The following GPRASP2 variants were observed in gnomAD, a reference collection of about 807,000 sequenced individuals.
GPRASP2 encodes G protein-coupled receptor-associated sorting protein 2.
Under a neutral mutation model 36.0 loss-of-function variants are expected in GPRASP2, and 10 were observed. That is an observed-to-expected ratio of 0.28 (90% CI 0.17 to 0.47). The LOEUF (loss-of-function observed/expected upper bound fraction) is 0.47, where lower values mean the gene tolerates loss of function less well. GPRASP2 is among the 20% of genes least tolerant of loss of function. The pLI, the probability that GPRASP2 is intolerant of heterozygous loss-of-function variation, is 0.99. For missense variants in GPRASP2, 538 were observed against 626.7 expected (o/e 0.86, Z 1.51); for synonymous variants, 219 against 230.5 (o/e 0.95, Z 0.45).
rs186673137 is a variant in GPRASP2, at chrX:102,717,289, C to T, written c.2420C>T (p.Pro807Leu). 18 of 1,089,551 alleles carry T rather than the reference C, an allele frequency of 1.7e-5. No individual in the cohort carries two copies. The Admixed American group carries it at 2.3e-4, about 14-fold the overall frequency. The allele number at this position is 1,089,551 out of a possible 1,213,427, so 89.8% of individuals were successfully genotyped here. The change falls in exon 5 of 5, where the codon CCG (proline) becomes CTG (leucine). Residue 807 changes from proline (P) to leucine (L), a missense_variant. Physicochemically the swap from Pro to Leu is moderately conservative, Grantham distance 98. Coordinates refer to ENST00000483720, the MANE Select transcript of GPRASP2 (RefSeq NM_001004051.4). ...ATTGATGATGATTTCAGTCTTGAGC[C>T]GCTTATTTCTGCATTTCGTGAATTT... ...SLIDDDFSLE[P>L]LISAFREFEE...
chrX:102,717,204 A>G lies in GPRASP2; in HGVS notation c.2335A>G (p.Ile779Val). Reference sequence around the variant, plus strand: ...AGAAGAGACAAATGATAATATTCAAATTGTTATTAAAATGTTTCAGAATAT... The same window carrying G: ...AGAAGAGACAAATGATAATATTCAAGTTGTTATTAAAATGTTTCAGAATAT... ...NIEETNDNIQ[I>V]VIKMFQNISN... Residue 779 changes from isoleucine (I) to valine (V), a missense_variant, in exon 5 of 5, where the codon ATT (isoleucine) becomes GTT (valine). Physicochemically the swap from Ile to Val is conservative, Grantham distance 29 (BLOSUM62 3). Around this residue, in one of 2 missense-constraint regions of GPRASP2, gnomAD observed 262 missense variants for 351.7 expected, o/e 0.74. Coordinates refer to ENST00000483720, the MANE Select transcript of GPRASP2 (RefSeq NM_001004051.4). The G allele has an allele frequency of 8.9e-7, 1 of 1,129,688 alleles. No individual in the cohort carries two copies. The highest frequency in any genetic ancestry group is 1.2e-6 in the Non-Finnish European group (1 of 855,233). 93.1% of individuals were successfully genotyped at this position (1,129,688 alleles called of 1,213,427 possible).
rs1196487596 is a variant in GPRASP2, at chrX:102,716,148, G to C, written c.1279G>C (p.Glu427Gln). Residue 427 changes from glutamate (E) to glutamine (Q), a missense_variant, in exon 5 of 5, where the codon GAA (glutamate) becomes CAA (glutamine). By Grantham distance (29) the Glu-to-Gln change is conservative. Around this residue, in one of 2 missense-constraint regions of GPRASP2, gnomAD observed 262 missense variants for 351.7 expected, o/e 0.74. Coordinates refer to ENST00000483720, the MANE Select transcript of GPRASP2 (RefSeq NM_001004051.4). ...AIGGSAYWAE[E>Q]KSSLGAVARE... ...TGGCGGATCCGCGTACTGGGCTGAG[G>C]AAAAGTCCAGTTTGGGGGCTGTGGC... 8.3e-7 allele frequency: 1 copy of C among 1,202,831 alleles called. No homozygotes were observed. The highest frequency in any genetic ancestry group is 3.0e-5 in the East Asian group (1 of 33,682).
At position 102,716,455 on chromosome X, in the gene GPRASP2, A is replaced by G; in HGVS notation, c.1586A>G (p.Lys529Arg). 1 of 1,212,287 alleles carries G rather than the reference A, an allele frequency of 8.2e-7. No homozygotes were observed. The highest frequency in any genetic ancestry group is 1.1e-6 in the Non-Finnish European group (1 of 895,650). ...EASEMLEAKP[K>R]NLELSPEGEE... Reference sequence around the variant, plus strand: ...TCTGAAATGCTTGAGGCAAAGCCCAAGAACCTGGAACTTAGCCCAGAAGGA... The same window carrying G: ...TCTGAAATGCTTGAGGCAAAGCCCAGGAACCTGGAACTTAGCCCAGAAGGA... The change falls in exon 5 of 5, where the codon AAG (lysine) becomes AGG (arginine). Residue 529 changes from lysine to arginine, a missense_variant. By Grantham distance (26) the Lys-to-Arg change is conservative. Around this residue, in one of 2 missense-constraint regions of GPRASP2, gnomAD observed 262 missense variants for 351.7 expected, o/e 0.74. Coordinates refer to ENST00000483720, the MANE Select transcript of GPRASP2 (RefSeq NM_001004051.4).
chrX:102,714,836 A>C lies in GPRASP2; in HGVS notation c.-34A>C. The C allele has an allele frequency of 8.5e-7, 1 of 1,181,493 alleles. No individual in the cohort carries two copies. The highest frequency in any genetic ancestry group is 3.0e-5 in the East Asian group (1 of 33,639). ...TGGTTGAGGTTTAGACTACGGGAGG[A>C]GTATATTACCTGACTTTCTTTGTAA... On this transcript the variant is annotated 5_prime_UTR_variant, in exon 5 of 5. Coordinates refer to ENST00000483720, the MANE Select transcript of GPRASP2 (RefSeq NM_001004051.4).
In GPRASP2 at chrX:102,717,287, G is replaced by T. The variant is rs764549604; in HGVS notation, c.2418G>T (p.Glu806Asp). 1.8e-6 allele frequency: 2 copies of T among 1,092,539 alleles called. No homozygotes were observed. The highest frequency in any genetic ancestry group is 2.4e-6 in the Non-Finnish European group (2 of 836,540). 90.0% of individuals were successfully genotyped at this position (1,092,539 alleles called of 1,213,427 possible). ...MSLIDDDFSL[E>D]PLISAFREFE... The stretch of plus-strand genomic sequence containing the variant: ...TAATTGATGATGATTTCAGTCTTGA[G>T]CCGCTTATTTCTGCATTTCGTGAAT... The change falls in exon 5 of 5, where the codon GAG becomes GAT. Residue 806 changes from glutamate to aspartate, a missense_variant. Transcript: ENST00000483720.
rs771661384 is a variant in GPRASP2, at chrX:102,715,052, G to T, written c.183G>T (p.Arg61Ser). 25 of 1,211,310 alleles carry T rather than the reference G, an allele frequency of 2.1e-5. No individual in the cohort carries two copies. The South Asian group carries it at 4.2e-4, about 20-fold the overall frequency. ...KTETKSVPAA[R>S]PKTEAQAMSG... ...AGACCAAGTCTGTGCCTGCGGCAAG[G>T]CCCAAAACTGAGGCCCAAGCAATGT... is the stretch of plus-strand genomic sequence containing the variant. Residue 61 changes from arginine (R) to serine (S), a missense_variant, in exon 5 of 5, where the codon AGG becomes AGT. Physicochemically the swap from Arg to Ser is moderately radical, Grantham distance 110 (BLOSUM62 -1). Transcript: ENST00000483720.
At chrX:102,713,066 T>G (rs1234218981) in intron 1 of GPRASP2, 64 bp from the exon 2 acceptor site, 1 of 112,835 alleles carries the variant, frequency 8.9e-6, no homozygotes, top group Non-Finnish European at 1.9e-5. Flanking sequence ...GGGCCCCATG[T>G]CCTCGGTGCC....
Position 102,714,897 on chromosome X carries a change from G to A in GPRASP2, c.28G>A (p.Ala10Thr). MTGAEIEPS[A>T]QAKPEKKAGE... is the part of the protein sequence containing the mutation. ...GACTGGGGCAGAGATTGAGCCTAGT[G>A]CCCAGGCCAAGCCTGAAAAGAAGGC... The change falls in exon 5 of 5, where the codon GCC (alanine) becomes ACC (threonine). Residue 10 changes from alanine to threonine, a missense_variant. Physicochemically the swap from Ala to Thr is moderately conservative, Grantham distance 58. Around this residue, in one of 2 missense-constraint regions of GPRASP2, gnomAD observed 276 missense variants for 275.0 expected, o/e 1.00. Coordinates refer to ENST00000483720, the MANE Select transcript of GPRASP2 (RefSeq NM_001004051.4). 1 of 1,211,730 alleles carries A rather than the reference G, an allele frequency of 8.3e-7. No homozygotes were observed. The highest frequency in any genetic ancestry group is 1.1e-6 in the Non-Finnish European group (1 of 895,392).
rs928653872 is a variant in GPRASP2, at chrX:102,715,205, T to C, written c.336T>C (p.Thr112=). The change falls in exon 5 of 5, where the codon ACT becomes ACC. Residue 112 remains threonine (T), a synonymous_variant. Coordinates refer to ENST00000483720, the MANE Select transcript of GPRASP2 (RefSeq NM_001004051.4). Reference sequence around the variant, plus strand: ...CAGTAGGTGGCGCTCGTTCTAAAACTGATGCCAAGGCAATCCCTGGAGCAA... The same window carrying C: ...CAGTAGGTGGCGCTCGTTCTAAAACCGATGCCAAGGCAATCCCTGGAGCAA... ...ARAVGGARSK[T]DAKAIPGARP... 5 of 1,211,657 alleles carry C rather than the reference T, an allele frequency of 4.1e-6. No individual in the cohort carries two copies. Among genetic ancestry groups the C allele is most frequent in the Non-Finnish European group, 4.5e-6 (4 of 895,555 alleles).
Position 102,716,627 on chromosome X carries a change from C to T in GPRASP2, c.1758C>T (p.Cys586=). The T allele has an allele frequency of 8.3e-7, 1 of 1,211,917 alleles. No homozygotes were observed. The highest frequency in any genetic ancestry group is 1.8e-5 in the South Asian group (1 of 56,978). Reference sequence around the variant, plus strand: ...AGTCTGAGAGTTGGTCCTGCAGCTGCATACAATGTGAGCTGAAAATTGGTT... The same window carrying T: ...AGTCTGAGAGTTGGTCCTGCAGCTGTATACAATGTGAGCTGAAAATTGGTT... The part of the protein sequence containing the change: ...SAESESWSCS[C]IQCELKIGSE... Residue 586 remains cysteine, a synonymous_variant, in exon 5 of 5, where the codon TGC becomes TGT. Transcript: ENST00000483720.
rs1477811942 is a variant in GPRASP2 at position 102,716,851 on chromosome X, A to G, written c.1982A>G (p.Asn661Ser). The change falls in exon 5 of 5, where the codon AAT becomes AGT. Residue 661 changes from asparagine to serine, a missense_variant. Physicochemically the swap from Asn to Ser is conservative, Grantham distance 46. This residue lies in a region of GPRASP2 where 262 missense variants were observed against 351.7 expected (regional missense o/e 0.74). Transcript: ENST00000483720. ...AGAGTTAGGACAAGTTTTTTGGAAA[A>G]TATGATTCACATGGCTCCACCTTAT... ...SSRVRTSFLENMIHMAPPYPN... is the reference protein window; with the variant it reads ...SSRVRTSFLESMIHMAPPYPN... 1.7e-6 allele frequency: 2 copies of G among 1,211,857 alleles called. No homozygotes were observed. Among genetic ancestry groups the G allele is most frequent in the African/African-American group, 3.5e-5 (2 of 57,856 alleles).
chrX:102,713,393 A>C (rs1377348643), intron 2 of GPRASP2, among the ~76,000 whole-genome samples, 176 bp downstream of exon 2: 1 of 112,197 alleles, frequency 8.9e-6, no homozygotes, highest in East Asian at 2.8e-4. Flanking sequence ...AACTGGGGGC[A>C]TGAAAGGGTG....
chrX:102,715,828 C>A lies in GPRASP2; in HGVS notation c.959C>A (p.Thr320Lys), dbSNP rs747041179. 3.4e-5 allele frequency: 41 copies of A among 1,211,512 alleles called. No individual in the cohort carries two copies. The East Asian group carries it at 3.5e-4, about 10-fold the overall frequency. Residue 320 changes from threonine (T) to lysine (K), a missense_variant, in exon 5 of 5, where the codon ACA becomes AAA. Transcript: ENST00000483720. ...EEANIRSKLR[T>K]NREDCFESES... is the part of the protein sequence containing the mutation. Reference sequence around the variant, plus strand: ...GCAAATATCAGGTCCAAGCTCAGGACAAATAGAGAAGATTGTTTTGAATCT... The same window carrying A: ...GCAAATATCAGGTCCAAGCTCAGGAAAAATAGAGAAGATTGTTTTGAATCT...
At position 102,716,689 on chromosome X, in the gene GPRASP2, A is replaced by C. The variant is rs912019428; in HGVS notation, c.1820A>C (p.Lys607Thr). Reference sequence around the variant, plus strand: ...GAAGAATTCCTTTTATTAATGGACAAAATTCGGGATCCTTTTATTCATGAA... The same window carrying C: ...GAAGAATTCCTTTTATTAATGGACACAATTCGGGATCCTTTTATTCATGAA... The part of the protein sequence containing the change: ...EFEEFLLLMD[K>T]IRDPFIHEIS... Residue 607 changes from lysine to threonine, a missense_variant, in exon 5 of 5, where the codon AAA becomes ACA. Transcript: ENST00000483720. 1 of 1,210,616 alleles carries C rather than the reference A, an allele frequency of 8.3e-7. No homozygotes were observed. Among genetic ancestry groups the C allele is most frequent in the African/African-American group, 1.7e-5 (1 of 57,374 alleles).
Position 102,714,596 on chromosome X carries a change from G to A in GPRASP2, c.-274G>A, listed in dbSNP as rs985641841. 1.2e-5 allele frequency: 4 copies of A among 345,772 alleles called. No homozygotes were observed. The highest frequency in any genetic ancestry group is 1.1e-4 in the Admixed American group (2 of 18,278). 28.5% of individuals were successfully genotyped at this position (345,772 alleles called of 1,213,427 possible). On this transcript the variant is annotated 5_prime_UTR_variant, in exon 5 of 5. Coordinates refer to ENST00000483720, the MANE Select transcript of GPRASP2 (RefSeq NM_001004051.4). ...GTTGCTGCTGACAACCACCCTCAAC[G>A]GGTCTGCACCCATCCAGGAAATATC...
chrX:102,712,926 G>A (rs2081895554), intron 1 of GPRASP2, among the ~76,000 whole-genome samples: 1 of 112,624 alleles, frequency 8.9e-6, no homozygotes, highest in African/African-American at 3.2e-5. Context: ...CCGCTGTGGG[G>A]GCGCCCGGGA....
chrX:102,716,322 T>C lies in GPRASP2; in HGVS notation c.1453T>C (p.Ser485Pro), dbSNP rs762907767. The C allele has an allele frequency of 8.3e-7, 1 of 1,211,882 alleles. No homozygotes were observed. The highest frequency in any genetic ancestry group is 3.0e-5 in the East Asian group (1 of 33,843). Reference sequence around the variant, plus strand: ...AGATGCAGCTGAGGAGCTTAATGCATCCTCCAGGCCCCAAACCTGGGACGA... The same window carrying C: ...AGATGCAGCTGAGGAGCTTAATGCACCCTCCAGGCCCCAAACCTGGGACGA... Reference protein sequence around the residue: ...FRDAAEELNASSRPQTWDEVT... With the variant: ...FRDAAEELNAPSRPQTWDEVT... The change falls in exon 5 of 5, where the codon TCC becomes CCC. Residue 485 changes from serine (S) to proline (P), a missense_variant. Transcript: ENST00000483720.
Position 102,716,746 on chromosome X carries a change from C to T in GPRASP2, c.1877C>T (p.Ala626Val), listed in dbSNP as rs779714407. ...ISKIAMGMRS[A>V]SQFTRDFIRD... ...AAAATTGCAATGGGTATGAGAAGTG[C>T]TTCTCAATTTACCCGAGATTTCATT... Residue 626 changes from alanine (A) to valine (V), a missense_variant, in exon 5 of 5, where the codon GCT becomes GTT. By Grantham distance (64) the Ala-to-Val change is moderately conservative. This residue lies in a region of GPRASP2 where 262 missense variants were observed against 351.7 expected (regional missense o/e 0.74). Coordinates refer to ENST00000483720, the MANE Select transcript of GPRASP2 (RefSeq NM_001004051.4). 29 of 1,210,564 alleles carry T rather than the reference C, an allele frequency of 2.4e-5. No individual in the cohort carries two copies. In the East Asian group the frequency reaches 7.4e-4, roughly 31 times the overall value.
Position 102,717,030 on chromosome X carries a change from T to C in GPRASP2, c.2161T>C (p.Ser721Pro), listed in dbSNP as rs200064746. The C allele has an allele frequency of 1.2e-5, 14 of 1,198,320 alleles. No individual in the cohort carries two copies. The East Asian group carries it at 3.6e-4, about 31-fold the overall frequency. ...TCACACACTGATTGCCAACTATATGTCCGGGTTTCTCTCCTTATTAACCAC... is the reference window on the plus strand; with the variant it reads ...TCACACACTGATTGCCAACTATATGCCCGGGTTTCTCTCCTTATTAACCAC... ...DYHTLIANYM[S>P]GFLSLLTTAN... Residue 721 changes from serine to proline, a missense_variant, in exon 5 of 5, where the codon TCC becomes CCC. By Grantham distance (74) the Ser-to-Pro change is moderately conservative. Transcript: ENST00000483720.
Sources: allele counts gnomAD v4.1 joint callset (sites outside exome capture counted in the v4.1 genomes callset), GRCh38; gene constraint gnomAD v4.1.1; regional missense constraint gnomAD v4.1.1; transcripts MANE v1.5; gene names NCBI Gene and HGNC (gene_info 2026-07-23, HGNC 2026-07-21).